HLA-B: variants seen among roughly 807,000 people sequenced by gnomAD.
The protein encoded by HLA-B is HLA class I antigen HLA-B.
A neutral mutation model predicts 41.5 loss-of-function variants in HLA-B; 31 were observed. That is an observed-to-expected ratio of 0.75 (90% CI 0.56 to 1.01). HLA-B has a LOEUF of 1.01. Ranked by LOEUF, HLA-B falls within the 50% of genes least tolerant of loss-of-function variation. HLA-B has a pLI of 0.00. For missense variants in HLA-B, 369 were observed against 457.2 expected (o/e 0.81, Z 1.76); for synonymous variants, 138 against 189.0 (o/e 0.73, Z 2.21).
intron 7 of HLA-B, 21 bp from the exon 8 acceptor site, chr6:31,354,317 G>T (rs1017439212): frequency 6.8e-6 from 4 of 587,080 alleles, no homozygotes; most frequent in South Asian, 5.1e-5. Flanking sequence ...CAACAGTCAT[G>T]AACAAATTCT....
rs1277029198 is a variant in HLA-B, at chr6:31,356,513, G to C, written c.344-71C>G. The stretch of plus-strand genomic sequence containing the variant: ...GCCCCGACCAACCCGCGGGGATTTT[G>C]GCCTCAACTGAAAATGAAACCGGGT... On this transcript the variant is annotated intron_variant, in intron 2 of 7. Transcript: ENST00000412585. The C allele has an allele frequency of 1.2e-5, 12 of 968,288 alleles. 2 individuals are homozygous for C. The highest frequency in any genetic ancestry group is 2.4e-5 in the African/African-American group (1 of 40,890). The allele number at this position is 968,288 out of a possible 1,614,324, so 60.0% of individuals were successfully genotyped here.
At position 31,357,175 on chromosome 6, in the gene HLA-B, ACT is replaced by A; in HGVS notation, c.-19_-18del. The A allele has an allele frequency of 2.3e-6, 2 of 855,854 alleles. 1 individual carries two copies. Among genetic ancestry groups the A allele is most frequent in the Non-Finnish European group, 3.0e-6 (2 of 665,702 alleles). 53.0% of individuals were successfully genotyped at this position (855,854 alleles called of 1,614,324 possible). A position where few individuals can be genotyped will look rare whatever the true frequency, so the allele number is the denominator to read the frequency against. ...GACCAGCATCTCGGCGTCTGAGGAG[ACT>A]CTGAGTCCGGGTGGGTGCGTGGGGA... On this transcript the variant is annotated 5_prime_UTR_variant, in exon 1 of 8. Coordinates refer to ENST00000412585, the MANE Select transcript of HLA-B (RefSeq NM_005514.8).
chr6:31,354,516 A>G lies in HLA-B; in HGVS notation c.1056T>C (p.Ser352=). ...TGAGAGACACATCAGAGCCCTGGGCACTGTCGCTGCCTGGAGTAGAACAAA... is the reference window on the plus strand; with the variant it reads ...TGAGAGACACATCAGAGCCCTGGGCGCTGTCGCTGCCTGGAGTAGAACAAA... The part of the protein sequence containing the change: ...GSYSQAACSD[S]AQGSDVSLTA Residue 352 remains serine (S), a synonymous_variant, in exon 7 of 8, where the codon AGT becomes AGC. Coordinates refer to ENST00000412585, the MANE Select transcript of HLA-B (RefSeq NM_005514.8). 1 of 1,295,708 alleles carries G rather than the reference A, an allele frequency of 7.7e-7. No individual in the cohort carries two copies. Among genetic ancestry groups the G allele is most frequent in the African/African-American group, 2.2e-5 (1 of 45,504 alleles). 80.3% of individuals were successfully genotyped at this position (1,295,708 alleles called of 1,614,324 possible). A position where few individuals can be genotyped will look rare whatever the true frequency, so the allele number is the denominator to read the frequency against.
chr6:31,355,326 G>C lies in HLA-B; in HGVS notation c.886C>G (p.Leu296Val). ...TCATCCCCCTCCTTACCCCATCTCA[G>C]GGTGAGGGGCTTCGGCAGCCCCTCA... ...QHEGLPKPLT[L>V]RWEPSSQSTV... Residue 296 changes from leucine to valine, a missense_variant, in exon 4 of 8, where the codon CTG (leucine) becomes GTG (valine). Physicochemically the swap from Leu to Val is conservative, Grantham distance 32. Coordinates refer to ENST00000412585, the MANE Select transcript of HLA-B (RefSeq NM_005514.8). 1 of 1,577,944 alleles carries C rather than the reference G, an allele frequency of 6.3e-7. No homozygotes were observed. Among genetic ancestry groups the C allele is most frequent in the Non-Finnish European group, 8.5e-7 (1 of 1,169,644 alleles).
In HLA-B at chr6:31,354,228, CT is replaced by C; in HGVS notation, c.*72del. ...TTTGCAGAAAGAGATGCCAGAGGCT[CT>C]TGAAGTCACAAAGGGGAGGCGTGAA... On this transcript the variant is annotated 3_prime_UTR_variant, in exon 8 of 8. Transcript: ENST00000412585. 1.6e-6 allele frequency: 1 copy of C among 641,036 alleles called. No individual in the cohort carries two copies. 39.7% of individuals were successfully genotyped at this position (641,036 alleles called of 1,614,324 possible).
Position 31,354,657 on chromosome 6 carries a change from C to T in HLA-B, c.1021G>A (p.Gly341Arg), listed in dbSNP as rs976122475. The change falls in exon 6 of 8, where the codon GGA becomes AGA. Residue 341 changes from glycine (G) to arginine (R), a missense_variant. Transcript: ENST00000412585. The part of the protein sequence containing the change: ...MCRRKSSGGK[G>R]GSYSQAACSD... ...CACGCAGCCTGAGAGTAGCTCCCTC[C>T]TTTTCCACCTGTGGGAAGAAAATGT... The T allele has an allele frequency of 3.6e-6, 5 of 1,395,482 alleles. No individual in the cohort carries two copies. The highest frequency in any genetic ancestry group is 2.1e-5 in the African/African-American group (1 of 47,510). 86.4% of individuals were successfully genotyped at this position (1,395,482 alleles called of 1,614,324 possible). A position where few individuals can be genotyped will look rare whatever the true frequency, so the allele number is the denominator to read the frequency against.
intron 7 of HLA-B, 51 bp downstream of exon 7, chr6:31,354,428 A>ACCCCCCCCCC: frequency 1.3e-5 from 2 of 153,870 alleles, no homozygotes; most frequent in South Asian, 5.1e-5. Context: ...CCTCTGCCCC[A>ACCCCCCCCCC]CCCACCCCCA....
At chr6:31,355,693 T>C in intron 3 of HLA-B, 101 bp from the exon 4 acceptor site, 2 of 991,414 alleles carry the variant, frequency 2.0e-6, no homozygotes, top group South Asian at 1.5e-5. Flanking sequence ...ACACCTGGGG[T>C]GGGGAAGGGG....
At chr6:31,357,030 C>CG (rs769331294) in intron 1 of HLA-B, 56 bp downstream of exon 1, 126 of 916,754 alleles carry the variant, frequency 1.4e-4, no homozygotes, top group South Asian at 3.5e-4. Context: ...GCGCCCCCGC[C>CG]TGCGGTCCCC....
chr6:31,354,565 A>T, intron 6 of HLA-B, 39 bp from the exon 7 acceptor site: 1 of 1,459,458 alleles, frequency 6.9e-7, no homozygotes, highest in Non-Finnish European at 9.1e-7. Flanking sequence ...CAGAGCCCGC[A>T]GGAGACGTGG....
rs709055 is a variant in HLA-B, at chr6:31,356,374, C to G, written c.412G>C (p.Asp138His). ...TCCTTGCCGTCGTAGGCGTACTGGTCATGCCCGCGGAGGAGGCGCCCGTCC... is the reference window on the plus strand; with the variant it reads ...TCCTTGCCGTCGTAGGCGTACTGGTGATGCCCGCGGAGGAGGCGCCCGTCC... Reference protein sequence around the residue: ...GPDGRLLRGHDQYAYDGKDYI... With the variant: ...GPDGRLLRGHHQYAYDGKDYI... The change falls in exon 3 of 8, where the codon GAC (aspartate) becomes CAC (histidine). Residue 138 changes from aspartate to histidine, a missense_variant. Physicochemically the swap from Asp to His is moderately conservative, Grantham distance 81. Around this residue, in one of 6 missense-constraint regions of HLA-B, gnomAD observed 113 missense variants for 173.2 expected, o/e 0.65. Coordinates refer to ENST00000412585, the MANE Select transcript of HLA-B (RefSeq NM_005514.8). 0.023 allele frequency: 20,876 copies of G among 914,390 alleles called. 117 individuals carry two copies. Among genetic ancestry groups the G allele is most frequent in the Non-Finnish European group, 0.026 (17,502 of 682,186 alleles). 56.6% of individuals were successfully genotyped at this position (914,390 alleles called of 1,614,324 possible). A position where few individuals can be genotyped will look rare whatever the true frequency, so the allele number is the denominator to read the frequency against.
In HLA-B at chr6:31,356,595, G is replaced by A; in HGVS notation, c.343+93C>T. 4 of 1,085,712 alleles carry A rather than the reference G, an allele frequency of 3.7e-6. 1 individual carries two copies. Among genetic ancestry groups the A allele is most frequent in the Non-Finnish European group, 5.1e-6 (4 of 779,248 alleles). 67.3% of individuals were successfully genotyped at this position (1,085,712 alleles called of 1,614,324 possible). A position where few individuals can be genotyped will look rare whatever the true frequency, so the allele number is the denominator to read the frequency against. On this transcript the variant is annotated intron_variant, in intron 2 of 7. Coordinates refer to ENST00000412585, the MANE Select transcript of HLA-B (RefSeq NM_005514.8). ...TCTGGGCGGGTCCCGCGGCCTCAGG[G>A]AGGCGGATCTCGGACCCGGAGACTC...
At chr6:31,355,956 C>A in intron 3 of HLA-B, 1 of 443,500 alleles carries the variant, frequency 2.3e-6, no homozygotes. Context: ...ATTCTAGGGA[C>A]TGTCTTCCCC....
chr6:31,355,147 TC>T lies in HLA-B; in HGVS notation c.971del (p.Gly324GlufsTer7). Reference protein sequence around the residue: ...GLAVLAVVVIGAVVAAVMCRR... With the variant: ...GLAVLAVVVIXAVVAAVMCRR... The stretch of plus-strand genomic sequence containing the variant: ...TACACATCACAGCAGCGACCACAGC[TC>T]CGATGACCACAACTGCTAGGACAGC... On this transcript the variant is annotated frameshift_variant, in exon 5 of 8. Transcript: ENST00000412585. LOFTEE classifies it high-confidence loss of function. 8.4e-7 allele frequency: 1 copy of T among 1,186,116 alleles called. No individual in the cohort carries two copies. The highest frequency in any genetic ancestry group is 1.1e-6 in the Non-Finnish European group (1 of 931,762). The allele number at this position is 1,186,116 out of a possible 1,614,324, so 73.5% of individuals were successfully genotyped here.
intron 2 of HLA-B, 103 bp from the exon 3 acceptor site, chr6:31,356,545 G>T (rs957554678): frequency 2.5e-4 from 282 of 1,114,700 alleles, no homozygotes; most frequent in Non-Finnish European, 3.1e-4. Flanking sequence ...GGGTAAACGC[G>T]CCTGGGGCTC....
chr6:31,356,638 A>C (rs2507989), intron 2 of HLA-B, 50 bp downstream of exon 2: 152,069 of 1,179,024 alleles, frequency 0.13, 17,480 homozygotes, highest in African/African-American at 0.15. Context: ...CCCGGGCCGT[A>C]CGTGGGGGAT....
chr6:31,354,291 C>A lies in HLA-B; in HGVS notation c.*10G>T. On this transcript the variant is annotated 3_prime_UTR_variant, in exon 8 of 8. Transcript: ENST00000412585. ...TCTCAGTCCCTCACAAGACAGCTGT[C>A]TCAGGCTACAGAAAACAACAGTCAT... The A allele has an allele frequency of 4.8e-6, 3 of 625,490 alleles. No individual in the cohort carries two copies. The highest frequency in any genetic ancestry group is 1.6e-5 in the South Asian group (1 of 63,914). The allele number at this position is 625,490 out of a possible 1,614,324, so 38.7% of individuals were successfully genotyped here. A position where few individuals can be genotyped will look rare whatever the true frequency, so the allele number is the denominator to read the frequency against.
chr6:31,356,312 G>C lies in HLA-B; in HGVS notation c.474C>G (p.Thr158=), dbSNP rs1050370. Residue 158 remains threonine (T), a synonymous_variant, in exon 3 of 8, where the codon ACC becomes ACG. Transcript: ENST00000412585. ...IALNEDLRSW[T]AADTAAQITQ... is the part of the protein sequence containing the mutation. ...TGATCTGAGCCGCCGTGTCCGCGGCGGTCCAGGAGCGCAGGTCCTCGTTCA... is the reference window on the plus strand; with the variant it reads ...TGATCTGAGCCGCCGTGTCCGCGGCCGTCCAGGAGCGCAGGTCCTCGTTCA... The C allele has an allele frequency of 7.6e-7, 1 of 1,318,698 alleles. No individual in the cohort carries two copies. The highest frequency in any genetic ancestry group is 1.0e-6 in the Non-Finnish European group (1 of 1,004,142). The allele number at this position is 1,318,698 out of a possible 1,614,324, so 81.7% of individuals were successfully genotyped here. A position where few individuals can be genotyped will look rare whatever the true frequency, so the allele number is the denominator to read the frequency against.
rs41543613 is a variant in HLA-B at position 31,355,433 on chromosome 6, G to A, written c.779C>T (p.Ala260Val). The change falls in exon 4 of 8, where the codon GCA becomes GTA. Residue 260 changes from alanine (A) to valine (V), a missense_variant. Physicochemically the swap from Ala to Val is moderately conservative, Grantham distance 64. Around this residue, in one of 6 missense-constraint regions of HLA-B, gnomAD observed 12 missense variants for 85.1 expected, o/e 0.14. Transcript: ENST00000412585. ...CCACTTCTGGAAGGTTCTATCTCCT[G>A]CTGGTCTGGTCTCCACAAGCTCAGT... ...QDTELVETRPAGDRTFQKWAA... is the reference protein window; with the variant it reads ...QDTELVETRPVGDRTFQKWAA... 12 of 1,570,994 alleles carry A rather than the reference G, an allele frequency of 7.6e-6. No homozygotes were observed. In the East Asian group the frequency reaches 2.8e-4, roughly 36 times the overall value.
Sources: gnomAD v4.1 joint callset for allele counts on GRCh38, gnomAD v4.1.1 for gene constraint, gnomAD v4.1.1 regional missense constraint, MANE v1.5 for transcripts, NCBI Gene and HGNC (gene_info 2026-07-23, HGNC 2026-07-21) for gene names.